The following COMMD5 variants were observed in gnomAD, a reference collection of about 807,000 sequenced individuals.
The protein encoded by COMMD5 is COMM domain-containing protein 5.
A neutral mutation model predicts 6.9 loss-of-function variants in COMMD5; 10 were observed. The observed-to-expected ratio is 1.44, with a 90% CI of 0.89 to 2.45. COMMD5 has a LOEUF of 2.45. COMMD5 is among the 30% of genes most tolerant of loss of function. The pLI is 0.00. For synonymous variants in COMMD5, 127 were observed against 125.3 expected, an observed-to-expected ratio of 1.01 and a Z score of -0.09; for missense variants, 234 against 287.8, an observed-to-expected ratio of 0.81 and a Z score of 1.35.
At chr8:144,840,802 G>A (rs76801632), downstream of COMMD5, among the ~76,000 whole-genome samples, 1,415 of 152,240 alleles carry the variant, frequency 9.3e-3, 19 homozygotes, top group African/African-American at 0.032. Flanking sequence ...CAGCTGAGGG[G>A]GCTGGGTCCT....
At position 144,851,403 on chromosome 8, in the gene COMMD5, G is replaced by T. The variant is rs959646803; in HGVS notation, c.-57-8C>A. 27 of 1,533,010 alleles carry T rather than the reference G, an allele frequency of 1.8e-5. 1 individual carries two copies. Among genetic ancestry groups the T allele is most frequent in the Admixed American group, 1.7e-4 (9 of 53,170 alleles). 95.0% of individuals were successfully genotyped at this position (1,533,010 alleles called of 1,614,324 possible). A position where few individuals can be genotyped will look rare whatever the true frequency, so the allele number is the denominator to read the frequency against. On this transcript the variant is annotated splice_polypyrimidine_tract_variant and splice_region_variant and intron_variant, in intron 1 of 1. Coordinates refer to ENST00000305103, the MANE Select transcript of COMMD5 (RefSeq NM_014066.4). ...GGTCCCAGATGCAGATGCCTAGAGT[G>T]GGGTGGAGGAGAGAAGACCAGTGAC...
At chr8:144,847,301 C>G (rs1830563190), downstream of COMMD5, 1 of 152,312 alleles carries the variant, frequency 6.6e-6, no homozygotes, top group South Asian at 2.1e-4. Context: ...GTTTCCAGGC[C>G]AGGCACGGTG....
chr8:144,841,247 C>A, exon 2 of COMMD5: 1 of 1,144,698 alleles, frequency 8.7e-7, no homozygotes, highest in Non-Finnish European at 1.2e-6. Context: ...CCTCACAGTG[C>A]TCAGTGCAAC....
At chr8:144,844,731 A>AC (rs909989804) in intron 1 of COMMD5, among the ~76,000 whole-genome samples, 4 of 149,384 alleles carry the variant, frequency 2.7e-5, no homozygotes, top group Non-Finnish European at 5.9e-5. Context: ...AAAAAAAAAA[A>AC]AAAAACGAAA....
chr8:144,842,961 G>A, intron 1 of COMMD5: 1 of 1,614,162 alleles, frequency 6.2e-7, no homozygotes, highest in Non-Finnish European at 8.5e-7. Context: ...CCCTGGAAGG[G>A]TCCACCTTTG....
chr8:144,837,994 T>C, downstream of COMMD5: 1 of 684,100 alleles, frequency 1.5e-6, no homozygotes, highest in Non-Finnish European at 2.7e-6. Flanking sequence ...CAACAGAAAT[T>C]TATTGTCTCA....
downstream of COMMD5, chr8:144,846,250 G>T: frequency 6.9e-7 from 1 of 1,442,526 alleles, no homozygotes; most frequent in Non-Finnish European, 9.3e-7. Flanking sequence ...AAAGGGGCTG[G>T]GGTGCAAGCT....
chr8:144,845,989 C>T (rs903947011), downstream of COMMD5: 40 of 1,536,484 alleles, frequency 2.6e-5, no homozygotes, highest in Non-Finnish European at 3.5e-5. Context: ...GCTTTCTGGG[C>T]CGCCCAACCA....
intron 1 of COMMD5, chr8:144,843,312 G>A (rs1035126739): frequency 3.8e-5 from 41 of 1,070,400 alleles, no homozygotes; most frequent in Non-Finnish European, 5.1e-5. Flanking sequence ...ACTTCAGGCC[G>A]AGTGTGGTGG....
downstream of COMMD5, among the ~76,000 whole-genome samples, chr8:144,840,229 G>A (rs149443731): frequency 3.4e-4 from 52 of 152,376 alleles, no homozygotes; most frequent in African/African-American, 1.1e-3. Context: ...CAGGCCTGGA[G>A]ATGCCTCCTG....
chr8:144,850,352 C>T lies in COMMD5; in HGVS notation c.*312G>A. 1 of 301,770 alleles carries T rather than the reference C, an allele frequency of 3.3e-6. No homozygotes were observed. The highest frequency in any genetic ancestry group is 6.2e-6 in the Non-Finnish European group (1 of 160,940). The allele number at this position is 301,770 out of a possible 1,614,324, so 18.7% of individuals were successfully genotyped here. On this transcript the variant is annotated 3_prime_UTR_variant, in exon 2 of 2. Transcript: ENST00000305103. This position sits in a 1 kb window ranked among gnomAD's most constrained non-coding sequence, Gnocchi z 4.0. ...GCCAGGCTGAGCAACTGTATGTTGT[C>T]TACAAAGGGCCTCAACCTGGCCTCA...
At chr8:144,851,955 T>C (rs1001316431) in intron 1 of COMMD5, among the ~76,000 whole-genome samples, 1 of 151,952 alleles carries the variant, frequency 6.6e-6, no homozygotes, top group South Asian at 2.1e-4. Flanking sequence ...CTGGGCATCA[T>C]AGCAAGACCC....
chr8:144,840,260 C>T (rs561075724), downstream of COMMD5, among the ~76,000 whole-genome samples: 2 of 152,212 alleles, frequency 1.3e-5, no homozygotes, highest in East Asian at 3.9e-4. Flanking sequence ...CCTTGAGCAT[C>T]CCTGCTACAC....
chr8:144,842,241 C>A, intron 1 of COMMD5: 1 of 1,613,966 alleles, frequency 6.2e-7, no homozygotes. Flanking sequence ...CCACCCTAGC[C>A]CAGCATCAAA....
chr8:144,845,786 C>T (rs1021441832), downstream of COMMD5, among the ~76,000 whole-genome samples: 1 of 152,232 alleles, frequency 6.6e-6, no homozygotes, highest in Non-Finnish European at 1.5e-5. Flanking sequence ...GGAGTCAGTG[C>T]ATCCACTGTA....
chr8:144,844,733 A>AAAAAAAAAC lies in COMMD5; in HGVS notation c.*117-2991_*117-2990insGTTTTTTTT, dbSNP rs1563850697. Among the ~76,000 whole-genome samples the AAAAAAAAAC allele has an allele frequency of 1.5e-5, 2 of 132,460 alleles. 1 individual carries two copies. Among genetic ancestry groups the AAAAAAAAAC allele is most frequent in the African/African-American group, 5.9e-5 (2 of 33,760 alleles). The allele number at this position is 132,460 out of a possible 152,430, so 86.9% of individuals were successfully genotyped here. On this transcript the variant is annotated intron_variant and NMD_transcript_variant, in intron 1 of 1. Coordinates refer to the COMMD5 transcript ENST00000530332. ...TCAAAAAAAAAAAAAAAAAAAAAAAAAAACGAAAATGGGATGGAAAGAAGG... is the reference window on the plus strand; with the variant it reads ...TCAAAAAAAAAAAAAAAAAAAAAAAAAAAAAAAACAAACGAAAATGGGATGGAAAGAAGG...
chr8:144,848,462 A>G (rs988621677), downstream of COMMD5, among the ~76,000 whole-genome samples: 2 of 151,572 alleles, frequency 1.3e-5, no homozygotes, highest in Non-Finnish European at 2.9e-5. Flanking sequence ...GTGCCACTGC[A>G]CACCAGCCTG....
rs1420187633 is a variant in COMMD5 at position 144,850,831 on chromosome 8, G to A, written c.508C>T (p.Arg170Cys). Residue 170 changes from arginine to cysteine, a missense_variant, in exon 2 of 2, where the codon CGC becomes TGC. Transcript: ENST00000305103. The surrounding 1 kb of genome is among the most constrained non-coding windows in gnomAD (Gnocchi z 4.0). ...DVAISTSALA[R>C]SLQPSVLMQL... is the part of the protein sequence containing the mutation. Reference sequence around the variant, plus strand: ...ATCAGGACGCTCGGCTGCAGGGAGCGAGCCAGGGCACTGGTGGAGATTGCT... The same window carrying A: ...ATCAGGACGCTCGGCTGCAGGGAGCAAGCCAGGGCACTGGTGGAGATTGCT... 12 of 1,613,702 alleles carry A rather than the reference G, an allele frequency of 7.4e-6. No individual in the cohort carries two copies. Among genetic ancestry groups the A allele is most frequent in the Middle Eastern group, 1.6e-4 (1 of 6,082 alleles).
chr8:144,842,127 G>A (rs1219613185), intron 1 of COMMD5: 21 of 1,613,840 alleles, frequency 1.3e-5, no homozygotes, highest in African/African-American at 6.7e-5. Flanking sequence ...GTGAGTGTGG[G>A]AAAGCCTTCA....
Sources: allele counts gnomAD v4.1 joint callset (sites outside exome capture counted in the v4.1 genomes callset), GRCh38; gene constraint gnomAD v4.1.1; non-coding constraint Gnocchi (gnomAD v3.1); transcripts MANE v1.5; gene names NCBI Gene and HGNC (gene_info 2026-07-23, HGNC 2026-07-21).